ERO1A: variants seen among roughly 807,000 people sequenced by gnomAD.
ERO1A encodes endoplasmic reticulum oxidoreductase 1 alpha.
In ERO1A, 49 loss-of-function variants were observed where a neutral mutation model predicts 76.9. The ratio of observed to expected loss-of-function variants is 0.64; its 90% CI spans 0.51 to 0.81. ERO1A has a LOEUF of 0.81. Among genes scored for constraint, ERO1A ranks in the 30% least tolerant of loss-of-function variants. The probability of loss-of-function intolerance (pLI) is 0.00; values close to 1 mark genes in which losing one functional copy is unlikely to be tolerated. For synonymous variants in ERO1A, 174 were observed against 181.2 expected, an observed-to-expected ratio of 0.96 and a Z score of 0.32; for missense variants, 448 against 542.1, an observed-to-expected ratio of 0.83 and a Z score of 1.72.
chr14:52,676,428 T>C (rs2040786078), intron 4 of ERO1A, among the ~76,000 whole-genome samples: 1 of 152,150 alleles, frequency 6.6e-6, no homozygotes, highest in Admixed American at 6.6e-5. Flanking sequence ...CTTAGTAATA[T>C]TGTGGGTATG....
chr14:52,690,045 G>A (rs559525521), intron 1 of ERO1A, among the ~76,000 whole-genome samples: 1 of 152,254 alleles, frequency 6.6e-6, no homozygotes, highest in East Asian at 1.9e-4. Flanking sequence ...TCAATAAATG[G>A]TGGTGGGAAA....
chr14:52,678,361 T>C (rs368944713), intron 4 of ERO1A, 73 bp downstream of exon 4: 34 of 1,171,818 alleles, frequency 2.9e-5, no homozygotes, highest in Non-Finnish European at 4.2e-5. Flanking sequence ...AATGGGATAG[T>C]AGGTACAACG....
At chr14:52,650,672 TAAGA>T (rs2039829765) in intron 13 of ERO1A, among the ~76,000 whole-genome samples, 1 of 152,190 alleles carries the variant, frequency 6.6e-6, no homozygotes, top group African/African-American at 2.4e-5. Context: ...TGGAACTTTG[TAAGA>T]GAGAAGAGAA....
At chr14:52,658,210 A>G in intron 9 of ERO1A, 60 bp from the exon 10 acceptor site, 1 of 1,222,518 alleles carries the variant, frequency 8.2e-7, no homozygotes, top group Non-Finnish European at 1.2e-6. Flanking sequence ...CAAGTTTTTC[A>G]AAAGTTTTAA....
chr14:52,664,933 C>T lies in ERO1A; in HGVS notation c.630-1086G>A, dbSNP rs554878212. Among the ~76,000 whole-genome samples the T allele has an allele frequency of 3.1e-4, 47 of 152,106 alleles. 1 individual carries two copies. Among genetic ancestry groups the T allele is most frequent in the Admixed American group, 2.1e-3 (32 of 15,280 alleles). ...GTCTCGATCTCCTGACCTCGTGATC[C>T]GCCCGCCTTGGCCTCCCATTCTTAA... On this transcript the variant is annotated intron_variant, in intron 7 of 15. Coordinates refer to ENST00000395686, the MANE Select transcript of ERO1A (RefSeq NM_014584.3).
At chr14:52,678,094 C>T (rs1459147615) in intron 4 of ERO1A, among the ~76,000 whole-genome samples, 2 of 151,838 alleles carry the variant, frequency 1.3e-5, no homozygotes, top group Non-Finnish European at 2.9e-5. Flanking sequence ...GGAGAAAACC[C>T]GTCTCTACTA....
At chr14:52,678,589 T>G (rs958219107) in intron 3 of ERO1A, 117 bp from the exon 4 acceptor site, 2 of 818,474 alleles carry the variant, frequency 2.4e-6, no homozygotes, top group Non-Finnish European at 3.9e-6. Context: ...AGTTGGATTT[T>G]TTAACAGAAT....
At chr14:52,675,385 C>T (rs889085145) in intron 4 of ERO1A, among the ~76,000 whole-genome samples, 4 of 124,040 alleles carry the variant, frequency 3.2e-5, no homozygotes, top group African/African-American at 6.0e-5. Flanking sequence ...AACTCCGTCT[C>T]AAAAAAAAAA....
chr14:52,666,855 C>T (rs151005969), intron 6 of ERO1A, among the ~76,000 whole-genome samples: 5,014 of 152,234 alleles, frequency 0.033, 117 homozygotes, highest in Middle Eastern at 0.054. Flanking sequence ...CACTTGAACC[C>T]GGGAGGCGGA....
At chr14:52,658,682 A>T (rs1175927147) in intron 9 of ERO1A, 1 of 152,332 alleles carries the variant, frequency 6.6e-6, no homozygotes, top group African/African-American at 2.4e-5. Context: ...ACCTAATAAG[A>T]TTATTGTCAA....
At chr14:52,665,042 C>A (rs1204373600) in intron 7 of ERO1A, among the ~76,000 whole-genome samples, 1 of 151,174 alleles carries the variant, frequency 6.6e-6, no homozygotes, top group East Asian at 2.0e-4. Flanking sequence ...TGGCTCACCC[C>A]TGTAATCCCA....
At chr14:52,670,997 A>G (rs553658010) in intron 6 of ERO1A, among the ~76,000 whole-genome samples, 4 of 152,336 alleles carry the variant, frequency 2.6e-5, no homozygotes, top group Admixed American at 6.5e-5. Context: ...CCTTTTAGCA[A>G]TAACGCCTAC....
At chr14:52,645,015 G>A (rs1307566117) in intron 15 of ERO1A, among the ~76,000 whole-genome samples, 1 of 152,004 alleles carries the variant, frequency 6.6e-6, no homozygotes, top group Admixed American at 6.6e-5. Context: ...AAATGCATCT[G>A]TACTTAAATA....
intron 11 of ERO1A, among the ~76,000 whole-genome samples, chr14:52,654,733 G>C (rs970077149): frequency 2.0e-5 from 3 of 152,142 alleles, no homozygotes; most frequent in African/African-American, 7.2e-5. Context: ...TGAATTTTAA[G>C]AGAAATTCTG....
At chr14:52,670,727 C>T (rs2040571413) in intron 6 of ERO1A, among the ~76,000 whole-genome samples, 1 of 152,074 alleles carries the variant, frequency 6.6e-6, no homozygotes, top group Non-Finnish European at 1.5e-5. Context: ...TTTGTAATCC[C>T]TAAATTTTAG....
chr14:52,662,195 T>C (rs1045051785), intron 8 of ERO1A, among the ~76,000 whole-genome samples: 2 of 152,212 alleles, frequency 1.3e-5, no homozygotes, highest in Non-Finnish European at 2.9e-5. Flanking sequence ...TGTTCCTATG[T>C]ATCTTTATGG....
intron 6 of ERO1A, among the ~76,000 whole-genome samples, chr14:52,668,745 ATAT>A (rs1293585720): frequency 9.4e-5 from 14 of 148,474 alleles, no homozygotes; most frequent in Non-Finnish European, 1.0e-4. Context: ...AAATATTACT[ATAT>A]TATTATATTA....
At chr14:52,663,319 G>A (rs1352779926) in intron 8 of ERO1A, among the ~76,000 whole-genome samples, 1 of 151,682 alleles carries the variant, frequency 6.6e-6, no homozygotes, top group African/African-American at 2.4e-5. Context: ...CTTTTTACTG[G>A]CCAGGGGCAG....
intron 15 of ERO1A, among the ~76,000 whole-genome samples, chr14:52,645,705 T>G (rs73293014): frequency 0.063 from 9,526 of 152,138 alleles, 893 homozygotes; most frequent in African/African-American, 0.2. Flanking sequence ...AAATGATTTC[T>G]TCAAAAAAAA....
Sources: gnomAD v4.1 joint callset for allele counts (sites outside exome capture counted in the v4.1 genomes callset) on GRCh38, gnomAD v4.1.1 for gene constraint, MANE v1.5 for transcripts, NCBI Gene and HGNC (gene_info 2026-07-23, HGNC 2026-07-21) for gene names.